The following COL16A1 variants were observed in gnomAD, a reference collection of about 807,000 sequenced individuals.
COL16A1 encodes collagen alpha-1(XVI) chain.
COL16A1 carries 189 observed loss-of-function variants against 266.3 expected under a neutral mutation model. The observed-to-expected ratio is 0.71, with a 90% CI of 0.63 to 0.80. The LOEUF (loss-of-function observed/expected upper bound fraction) is 0.80. Among genes scored for constraint, COL16A1 ranks in the 30% least tolerant of loss-of-function variants. The pLI, the probability that COL16A1 is intolerant of heterozygous loss-of-function variation, is 0.00. For synonymous variants in COL16A1, 740 were observed against 782.3 expected (o/e 0.95, Z 0.90); for missense variants, 1,928 against 2,122.4 (o/e 0.91, Z 1.80).
At chr1:31,679,406 G>GT in intron 42 of COL16A1, 1 of 1,539,522 alleles carries the variant, frequency 6.5e-7, no homozygotes, top group Non-Finnish European at 8.8e-7. Context: ...CCTGACAGCT[G>GT]ACGCAACAGT....
chr1:31,696,212 C>T, intron 8 of COL16A1, 71 bp from the exon 9 acceptor site: 1 of 1,411,600 alleles, frequency 7.1e-7, no homozygotes, highest in Non-Finnish European at 1.0e-6. Context: ...AAAGGGGCAC[C>T]CAGGCAGGGG....
At chr1:31,680,278 G>A (rs748709773) in intron 39 of COL16A1, among the ~76,000 whole-genome samples, 177 bp from the exon 40 acceptor site, 1 of 152,142 alleles carries the variant, frequency 6.6e-6, no homozygotes, top group East Asian at 1.9e-4. Flanking sequence ...CAGCCTCCTC[G>A]CCTGTAAAAT....
At chr1:31,681,117 C>A in intron 37 of COL16A1, 50 bp from the exon 38 acceptor site, 1 of 1,565,276 alleles carries the variant, frequency 6.4e-7, no homozygotes, top group Non-Finnish European at 8.6e-7. Context: ...CAGCGGCCAG[C>A]CATCTGGCCT....
Position 31,688,207 on chromosome 1 carries a change from T to C in COL16A1, c.1803+260A>G, listed in dbSNP as rs1263228004. Among the ~76,000 whole-genome samples the C allele has an allele frequency of 6.6e-6, 1 of 152,164 alleles. No homozygotes were observed. The highest frequency in any genetic ancestry group is 2.4e-5 in the African/African-American group (1 of 41,434). ...ATAAAGAAGTGTTACATATTATAAA[T>C]ATAATAAGGTAATCTTGAATGTGCT... On this transcript the variant is annotated intron_variant, in intron 26 of 70. Coordinates refer to ENST00000373672, the MANE Select transcript of COL16A1 (RefSeq NM_001856.4). This position sits in a 1 kb window ranked among gnomAD's most constrained non-coding sequence, Gnocchi z 4.9.
Position 31,652,787 on chromosome 1 carries a change from G to A in COL16A1, c.4679C>T (p.Pro1560Leu). The change falls in exon 71 of 71, where the codon CCT (proline) becomes CTT (leucine). Residue 1560 changes from proline (P) to leucine (L), a missense_variant. Coordinates refer to ENST00000373672, the MANE Select transcript of COL16A1 (RefSeq NM_001856.4). The surrounding 1 kb of genome is among the most constrained non-coding windows in gnomAD (Gnocchi z 4.8). ...GGGACCCGGGGGCCCAGGGATGCCA[G>A]GGATGCCTTGCTGGCCCATTGGTCC... Reference protein sequence around the residue: ...ATGPMGQQGIPGIPGPPGPMG... With the variant: ...ATGPMGQQGILGIPGPPGPMG... 1 of 1,600,610 alleles carries A rather than the reference G, an allele frequency of 6.2e-7. No individual in the cohort carries two copies. The highest frequency in any genetic ancestry group is 8.5e-7 in the Non-Finnish European group (1 of 1,175,720).
rs1642058086 is a variant in COL16A1, at chr1:31,665,568, GTCT to G, written c.3492+12_3492+14del. ...CCACATCAGACAGAGCTGGCTTTGT[GTCT>G]TCTTCACTCACCGGTGGGCCCGGAA... On this transcript the variant is annotated intron_variant, in intron 55 of 70. Coordinates refer to ENST00000373672, the MANE Select transcript of COL16A1 (RefSeq NM_001856.4). 6.2e-7 allele frequency: 1 copy of G among 1,614,176 alleles called. No homozygotes were observed. Among genetic ancestry groups the G allele is most frequent in the Non-Finnish European group, 8.5e-7 (1 of 1,180,022 alleles).
At chr1:31,695,926 G>T in intron 9 of COL16A1, 139 bp from the exon 10 acceptor site, 1 of 986,790 alleles carries the variant, frequency 1.0e-6, no homozygotes, top group Non-Finnish European at 1.6e-6. Flanking sequence ...ACCCCCATCC[G>T]TCCTTCTTGA....
chr1:31,655,248 T>G (rs1044899921), intron 67 of COL16A1, 66 bp downstream of exon 67: 85 of 1,539,608 alleles, frequency 5.5e-5, no homozygotes, highest in Non-Finnish European at 6.9e-5. Context: ...TGGAAGATGA[T>G]CCGAGCTCCA....
intron 58 of COL16A1, 64 bp from the exon 59 acceptor site, chr1:31,661,768 T>C: frequency 6.6e-7 from 1 of 1,525,254 alleles, no homozygotes; most frequent in East Asian, 2.3e-5. Context: ...AACTCATACC[T>C]CTGTCCTCCC....
Position 31,668,089 on chromosome 1 carries a change from C to T in COL16A1, c.3303+76G>A, listed in dbSNP as rs1642298852. 2.2e-6 allele frequency: 3 copies of T among 1,362,036 alleles called. No homozygotes were observed. Among genetic ancestry groups the T allele is most frequent in the Non-Finnish European group, 3.1e-6 (3 of 977,288 alleles). 84.4% of individuals were successfully genotyped at this position (1,362,036 alleles called of 1,614,324 possible). Reference sequence around the variant, plus strand: ...GGGGAGCCCGCCGAGGGTTGCCCAGCCTGGCTGTGTCCTGACCACCAGCCC... The same window carrying T: ...GGGGAGCCCGCCGAGGGTTGCCCAGTCTGGCTGTGTCCTGACCACCAGCCC... On this transcript the variant is annotated intron_variant, in intron 51 of 70. Coordinates refer to ENST00000373672, the MANE Select transcript of COL16A1 (RefSeq NM_001856.4). This position sits in a 1 kb window ranked among gnomAD's most constrained non-coding sequence, Gnocchi z 5.8.
intron 33 of COL16A1, 81 bp from the exon 34 acceptor site, chr1:31,683,829 C>G: frequency 1.2e-6 from 2 of 1,608,914 alleles, no homozygotes; most frequent in Non-Finnish European, 1.7e-6. Context: ...TCTCCTCCAG[C>G]TTCTTCCTGC....
chr1:31,670,919 G>A lies in COL16A1; in HGVS notation c.3151-273C>T, dbSNP rs1280931561. ...TCTTCCGGAGTCTAACTGAAGATCCGGTTGCAGCAGAAGCCCATTTCTTTC... is the reference window on the plus strand; with the variant it reads ...TCTTCCGGAGTCTAACTGAAGATCCAGTTGCAGCAGAAGCCCATTTCTTTC... On this transcript the variant is annotated intron_variant, in intron 48 of 70. Transcript: ENST00000373672. The surrounding 1 kb of genome is among the most constrained non-coding windows in gnomAD (Gnocchi z 4.5). Among the ~76,000 whole-genome samples, 4 of 152,188 alleles carry A rather than the reference G, an allele frequency of 2.6e-5. No homozygotes were observed. Among genetic ancestry groups the A allele is most frequent in the Non-Finnish European group, 4.4e-5 (3 of 68,040 alleles).
At chr1:31,690,256 C>A (rs1231747125) in intron 22 of COL16A1, 111 bp downstream of exon 22, 1 of 1,513,424 alleles carries the variant, frequency 6.6e-7, no homozygotes, top group Admixed American at 2.0e-5. Context: ...GGTGGGGGTC[C>A]CCTGAGGAAG....
chr1:31,686,699 A>T (rs1343449515), intron 26 of COL16A1, among the ~76,000 whole-genome samples: 1 of 152,276 alleles, frequency 6.6e-6, no homozygotes, highest in Non-Finnish European at 1.5e-5. Flanking sequence ...AGTACTATGA[A>T]GGAAATCAAC....
chr1:31,697,000 G>T lies in COL16A1; in HGVS notation c.827C>A (p.Thr276Asn). 6.2e-7 allele frequency: 1 copy of T among 1,614,184 alleles called. No individual in the cohort carries two copies. The highest frequency in any genetic ancestry group is 8.5e-7 in the Non-Finnish European group (1 of 1,180,024). Residue 276 changes from threonine (T) to asparagine (N), a missense_variant, in exon 8 of 71, where the codon ACC becomes AAC. Physicochemically the swap from Thr to Asn is moderately conservative, Grantham distance 65 (BLOSUM62 0). Around this residue, in one of 2 missense-constraint regions of COL16A1, gnomAD observed 1,552 missense variants for 1,637.2 expected, o/e 0.95. Coordinates refer to ENST00000373672, the MANE Select transcript of COL16A1 (RefSeq NM_001856.4). The part of the protein sequence containing the change: ...INPQSEGKVY[T>N]RCFCLEEPQN... ...AGGCTCCTCCAGGCAGAAGCAGCGG[G>T]TGTAGACCTTGCCTTCAGACTGTGG...
Position 31,663,370 on chromosome 1 carries a change from T to C in COL16A1, c.3556-712A>G, listed in dbSNP as rs913326776. Reference sequence around the variant, plus strand: ...GGATTGGGCAGGTGGAGGAGAAAAGTGCATGCCAGAGGGAACCTAAGAGAA... The same window carrying C: ...GGATTGGGCAGGTGGAGGAGAAAAGCGCATGCCAGAGGGAACCTAAGAGAA... On this transcript the variant is annotated intron_variant, in intron 56 of 70. Transcript: ENST00000373672. The surrounding 1 kb of genome is among the most constrained non-coding windows in gnomAD (Gnocchi z 4.9). The C allele has an allele frequency of 2.0e-5, 3 of 152,312 alleles. No homozygotes were observed. Among genetic ancestry groups the C allele is most frequent in the Non-Finnish European group, 4.4e-5 (3 of 68,180 alleles). 9.4% of individuals were successfully genotyped at this position (152,312 alleles called of 1,614,324 possible). A position where few individuals can be genotyped will look rare whatever the true frequency, so the allele number is the denominator to read the frequency against.
chr1:31,655,148 A>G (rs1641008307), intron 67 of COL16A1, among the ~76,000 whole-genome samples, 166 bp downstream of exon 67: 1 of 151,762 alleles, frequency 6.6e-6, no homozygotes, highest in Admixed American at 6.6e-5. Flanking sequence ...TTCTGGGGAG[A>G]GGGTCCTATC....
intron 29 of COL16A1, 88 bp from the exon 30 acceptor site, chr1:31,684,944 TAAAC>T (rs1025096992): frequency 8.7e-6 from 14 of 1,600,840 alleles, no homozygotes; most frequent in East Asian, 2.2e-5. Context: ...CATACAACAG[TAAAC>T]AAACAAACAA....
rs777168126 is a variant in COL16A1, at chr1:31,668,810, C to A, written c.3241G>T (p.Gly1081Trp). The change falls in exon 50 of 71, where the codon GGG becomes TGG. Residue 1081 changes from glycine (G) to tryptophan (W), a missense_variant. By Grantham distance (184) the Gly-to-Trp change is radical. This residue lies in a region of COL16A1 where 1,552 missense variants were observed against 1,637.2 expected (regional missense o/e 0.95). Transcript: ENST00000373672. The surrounding 1 kb of genome is among the most constrained non-coding windows in gnomAD (Gnocchi z 5.8). ...TGCCAGCTTCTTCTTACCGGCTCCC[C>A]CTTGTCTCCAGTCAGGCCCGTGAGA... ...RGLTGLTGDKGEPGPPGQPGY... is the reference protein window; with the variant it reads ...RGLTGLTGDKWEPGPPGQPGY... The A allele has an allele frequency of 6.2e-7, 1 of 1,613,960 alleles. No individual in the cohort carries two copies. Among genetic ancestry groups the A allele is most frequent in the South Asian group, 1.1e-5 (1 of 91,074 alleles).
Sources: allele counts gnomAD v4.1 joint callset (sites outside exome capture counted in the v4.1 genomes callset), GRCh38; gene constraint gnomAD v4.1.1; regional missense constraint gnomAD v4.1.1; non-coding constraint Gnocchi (gnomAD v3.1); transcripts MANE v1.5; gene names NCBI Gene and HGNC (gene_info 2026-07-23, HGNC 2026-07-21).